The following CYLD variants were observed in gnomAD, a reference collection of about 807,000 sequenced individuals.
CYLD encodes CYLD lysine 63 deubiquitinase, also known as ubiquitin carboxyl-terminal hydrolase CYLD.
A neutral mutation model predicts 104.5 loss-of-function variants in CYLD; 26 were observed. That is an observed-to-expected ratio of 0.25 (90% CI 0.18 to 0.35). The LOEUF is 0.35. Ranked by LOEUF, CYLD falls within the 10% of genes least tolerant of loss-of-function variation. The pLI is 1.00. For missense variants in CYLD, 703 were observed against 1,136.1 expected, an observed-to-expected ratio of 0.62 and a Z score of 5.48; for synonymous variants, 385 against 399.9, an observed-to-expected ratio of 0.96 and a Z score of 0.45.
chr16:50,795,693 T>C (rs1971969675), intron 18 of CYLD: 4 of 693,602 alleles, frequency 5.8e-6, no homozygotes, highest in Admixed American at 2.0e-5. Context: ...GCTTGAGGGA[T>C]ACATCCCAGC....
chr16:50,775,981 T>C (rs956853400), intron 6 of CYLD, among the ~76,000 whole-genome samples, 198 bp from the exon 7 acceptor site: 2 of 152,212 alleles, frequency 1.3e-5, no homozygotes, highest in African/African-American at 4.8e-5. Flanking sequence ...AGAAATTACA[T>C]TTTGAAATAC....
chr16:50,743,745 G>A (rs1312742374), intron 2 of CYLD, among the ~76,000 whole-genome samples: 2 of 152,086 alleles, frequency 1.3e-5, no homozygotes, highest in Non-Finnish European at 2.9e-5. Context: ...GCTAGTTGAG[G>A]CTGTAGGAAG....
intron 5 of CYLD, among the ~76,000 whole-genome samples, chr16:50,758,793 C>G (rs11862720): frequency 0.23 from 35,310 of 151,804 alleles, 6,813 homozygotes; most frequent in African/African-American, 0.54. Context: ...GAGCATGCGT[C>G]GGGGAGTGGG....
chr16:50,751,597 A>T lies in CYLD; in HGVS notation c.505-7A>T, dbSNP rs1567422399. Reference sequence around the variant, plus strand: ...TCTATTTCTTTCCCTTCTCTCTTAAAAACTAGGAAGAAGGTCGTGGTCAAG... The same window carrying T: ...TCTATTTCTTTCCCTTCTCTCTTAATAACTAGGAAGAAGGTCGTGGTCAAG... On this transcript the variant is annotated splice_region_variant and splice_polypyrimidine_tract_variant and intron_variant, in intron 3 of 18. Transcript: ENST00000427738. The T allele has an allele frequency of 6.2e-7, 1 of 1,613,156 alleles. No individual in the cohort carries two copies. The highest frequency in any genetic ancestry group is 8.5e-7 in the Non-Finnish European group (1 of 1,179,302).
intron 3 of CYLD, 41 bp downstream of exon 3, chr16:50,750,243 T>C: frequency 6.2e-7 from 1 of 1,608,368 alleles, no homozygotes; most frequent in South Asian, 1.1e-5. Context: ...TTTGTTTGTG[T>C]TCATGTGTGT....
Position 50,799,322 on chromosome 16 carries a change from G to A in CYLD, c.*2814G>A, listed in dbSNP as rs935790962. On this transcript the variant is annotated 3_prime_UTR_variant, in exon 19 of 19. Transcript: ENST00000427738. ...GTGTGTGTGTATATATGTATGTGGC[G>A]GAGAGGGAGAGAGTGGGGAAGGAGA... The A allele has an allele frequency of 6.9e-5, 16 of 233,388 alleles. No homozygotes were observed. Among genetic ancestry groups the A allele is most frequent in the African/African-American group, 2.9e-4 (13 of 45,416 alleles). 14.5% of individuals were successfully genotyped at this position (233,388 alleles called of 1,614,324 possible). A position where few individuals can be genotyped will look rare whatever the true frequency, so the allele number is the denominator to read the frequency against.
chr16:50,786,193 T>C (rs965316484), intron 12 of CYLD: 1 of 152,248 alleles, frequency 6.6e-6, no homozygotes, highest in Admixed American at 6.5e-5. Context: ...CACACTTCAG[T>C]ATTAAAAGGA....
chr16:50,779,619 G>A (rs376384666), intron 8 of CYLD, 46 bp from the exon 9 acceptor site: 1 of 1,595,014 alleles, frequency 6.3e-7, no homozygotes, highest in Non-Finnish European at 8.6e-7. Flanking sequence ...GTAAGACAGA[G>A]TCAATATCCT....
intron 4 of CYLD, among the ~76,000 whole-genome samples, chr16:50,752,842 G>T (rs770956872): frequency 1.3e-5 from 2 of 152,116 alleles, no homozygotes; most frequent in Non-Finnish European, 2.9e-5. Context: ...ATCCATTCCA[G>T]TGTGGTTCAT....
At chr16:50,766,202 A>G (rs1216822231) in intron 5 of CYLD, among the ~76,000 whole-genome samples, 1 of 152,194 alleles carries the variant, frequency 6.6e-6, no homozygotes, top group Non-Finnish European at 1.5e-5. Context: ...CTTTAAGTTG[A>G]AGCCAGGATT....
rs969353180 is a variant in CYLD at position 50,794,174 on chromosome 16, C to T, written c.2470-38C>T. 3.8e-6 allele frequency: 6 copies of T among 1,572,690 alleles called. No individual in the cohort carries two copies. Among genetic ancestry groups the T allele is most frequent in the Admixed American group, 3.3e-5 (2 of 59,944 alleles). On this transcript the variant is annotated intron_variant, in intron 17 of 18. Coordinates refer to ENST00000427738, the MANE Select transcript of CYLD (RefSeq NM_001378743.1). This position sits in a 1 kb window ranked among gnomAD's most constrained non-coding sequence, Gnocchi z 4.1. ...AACTCCTGACCTCGTGATCCACCAGCCTCGGCCTAATGACATTCTTTTCAT... is the reference window on the plus strand; with the variant it reads ...AACTCCTGACCTCGTGATCCACCAGTCTCGGCCTAATGACATTCTTTTCAT...
At position 50,749,670 on chromosome 16, in the gene CYLD, T is replaced by C; in HGVS notation, c.-29T>C. 6.2e-7 allele frequency: 1 copy of C among 1,609,904 alleles called. No individual in the cohort carries two copies. The highest frequency in any genetic ancestry group is 8.5e-7 in the Non-Finnish European group (1 of 1,178,140). ...AAAGTTATTAGTAGTTTCCCTTTTTTGAATTAGTATTTTGAAGTTAATATC... is the reference window on the plus strand; with the variant it reads ...AAAGTTATTAGTAGTTTCCCTTTTTCGAATTAGTATTTTGAAGTTAATATC... On this transcript the variant is annotated 5_prime_UTR_variant, in exon 3 of 19. The change abolishes the stop of an existing upstream ORF in the 5' untranslated region. Transcript: ENST00000427738.
At chr16:50,771,634 G>A (rs1274365972) in intron 5 of CYLD, among the ~76,000 whole-genome samples, 1 of 152,008 alleles carries the variant, frequency 6.6e-6, no homozygotes, top group Non-Finnish European at 1.5e-5. Context: ...AATGTATGAG[G>A]GTTCTAATTT....
intron 11 of CYLD, among the ~76,000 whole-genome samples, chr16:50,783,167 A>C (rs1037698636): frequency 1.3e-5 from 2 of 151,908 alleles, no homozygotes; most frequent in Admixed American, 6.6e-5. Flanking sequence ...TCTCACCTCA[A>C]ATGATCTACC....
chr16:50,800,368 TG>T lies in CYLD; in HGVS notation c.*3861del, dbSNP rs1972373495. On this transcript the variant is annotated 3_prime_UTR_variant, in exon 19 of 19. Coordinates refer to ENST00000427738, the MANE Select transcript of CYLD (RefSeq NM_001378743.1). ...TTCACTTTTTGTGATTTTGTGGTCA[TG>T]TAACGTTACTGTATTATTCTACGTA... The T allele has an allele frequency of 2.1e-5, 5 of 233,376 alleles. No individual in the cohort carries two copies. In the East Asian group the frequency reaches 3.0e-4, roughly 14 times the overall value. 14.5% of individuals were successfully genotyped at this position (233,376 alleles called of 1,614,324 possible).
intron 5 of CYLD, 42 bp from the exon 6 acceptor site, chr16:50,775,124 C>T (rs1969537506): frequency 6.3e-7 from 1 of 1,574,942 alleles, no homozygotes; most frequent in Non-Finnish European, 8.6e-7. Flanking sequence ...TCTTTCTGTC[C>T]TCAAATCCAC....
At chr16:50,793,910 C>G (rs989086468) in intron 17 of CYLD, among the ~76,000 whole-genome samples, 2 of 145,288 alleles carry the variant, frequency 1.4e-5, no homozygotes, top group East Asian at 4.0e-4. Flanking sequence ...GAGTTTCTCT[C>G]ATTAATGACA....
chr16:50,751,995 C>A, intron 4 of CYLD, 89 bp downstream of exon 4: 1 of 331,674 alleles, frequency 3.0e-6, no homozygotes, highest in Middle Eastern at 1.0e-3. Flanking sequence ...TATATACACA[C>A]ATATATATAC....
intron 15 of CYLD, 72 bp from the exon 16 acceptor site, chr16:50,792,525 A>G: frequency 1.0e-6 from 1 of 975,676 alleles, no homozygotes; most frequent in Non-Finnish European, 1.6e-6. Flanking sequence ...GACAGCCATG[A>G]CTATTTTGGT....
Sources: allele counts gnomAD v4.1 joint callset (sites outside exome capture counted in the v4.1 genomes callset), GRCh38; gene constraint gnomAD v4.1.1; non-coding constraint Gnocchi (gnomAD v3.1); transcripts MANE v1.5; gene names NCBI Gene and HGNC (gene_info 2026-07-23, HGNC 2026-07-21).